The following RUNDC3B variants were observed in gnomAD, a reference collection of about 807,000 sequenced individuals.
RUNDC3B encodes the protein RUN domain-containing protein 3B.
RUNDC3B carries 33 observed loss-of-function variants against 58.4 expected under a neutral mutation model. That is an observed-to-expected ratio of 0.56 (90% CI 0.43 to 0.75). The LOEUF (loss-of-function observed/expected upper bound fraction) is 0.75. Among genes scored for constraint, RUNDC3B ranks in the 30% least tolerant of loss-of-function variants. RUNDC3B has a pLI of 0.00. For synonymous variants in RUNDC3B, 193 were observed against 195.2 expected (o/e 0.99, Z 0.10); for missense variants, 501 against 535.7 (o/e 0.94, Z 0.64).
intron 6 of RUNDC3B, among the ~76,000 whole-genome samples, chr7:87,760,065 AG>A (rs200831976): frequency 2.0e-5 from 3 of 148,388 alleles, no homozygotes; most frequent in Admixed American, 2.0e-4. Context: ...TCTGTGATAC[AG>A]GGGTTTTTTT....
chr7:87,671,623 C>T (rs1238535034), intron 2 of RUNDC3B, among the ~76,000 whole-genome samples: 1 of 152,002 alleles, frequency 6.6e-6, no homozygotes, highest in Non-Finnish European at 1.5e-5. Context: ...GAGGTACAGG[C>T]CTGTTGCTGG....
intron 9 of RUNDC3B, among the ~76,000 whole-genome samples, chr7:87,809,432 C>G (rs963036510): frequency 1.3e-5 from 2 of 151,654 alleles, no homozygotes; most frequent in African/African-American, 4.9e-5. Flanking sequence ...CTGCTACTTA[C>G]GTAATGTGTA....
At chr7:87,753,294 G>T (rs1224590611) in intron 6 of RUNDC3B, among the ~76,000 whole-genome samples, 2 of 151,448 alleles carry the variant, frequency 1.3e-5, no homozygotes, top group African/African-American at 4.9e-5. Flanking sequence ...TTACTTCCAA[G>T]TATGTGGTCA....
At position 87,678,140 on chromosome 7, in the gene RUNDC3B, T is replaced by C. The variant is rs549180542; in HGVS notation, c.239-22281T>C. On this transcript the variant is annotated intron_variant, in intron 2 of 10. Transcript: ENST00000394654. ...CAGAAACTGTGAATATCTAAATAAA[T>C]ACAGCAGAGTTTTTCTCCTCTATTA... Among the ~76,000 whole-genome samples, 5 of 152,290 alleles carry C rather than the reference T, an allele frequency of 3.3e-5. No homozygotes were observed. In the East Asian group the frequency reaches 7.7e-4, roughly 24 times the overall value.
chr7:87,732,886 A>G (rs370021873), intron 4 of RUNDC3B, among the ~76,000 whole-genome samples: 1 of 152,146 alleles, frequency 6.6e-6, no homozygotes, highest in East Asian at 1.9e-4. Context: ...TGTGTGTGTA[A>G]TTTCTAACAG....
chr7:87,743,388 C>A (rs1832457515), intron 6 of RUNDC3B, among the ~76,000 whole-genome samples: 1 of 152,198 alleles, frequency 6.6e-6, no homozygotes, highest in Admixed American at 6.5e-5. Flanking sequence ...TAAGGAATCT[C>A]CATGCTGTTT....
intron 6 of RUNDC3B, among the ~76,000 whole-genome samples, chr7:87,758,157 A>G (rs993653358): frequency 6.6e-6 from 1 of 152,080 alleles, no homozygotes; most frequent in Non-Finnish European, 1.5e-5. Context: ...TGTCTGTACA[A>G]AAATCTTTCA....
chr7:87,685,899 G>A (rs1827410241), intron 2 of RUNDC3B, among the ~76,000 whole-genome samples: 1 of 152,212 alleles, frequency 6.6e-6, no homozygotes, highest in South Asian at 2.1e-4. Flanking sequence ...TAATATGTAA[G>A]ATTCTAACTC....
chr7:87,811,629 C>G (rs1836722279), intron 9 of RUNDC3B, among the ~76,000 whole-genome samples: 1 of 152,186 alleles, frequency 6.6e-6, no homozygotes, highest in Admixed American at 6.5e-5. Context: ...CAGGCATGAG[C>G]CACCGCGCAC....
At chr7:87,824,449 G>A (rs1033604289) in intron 10 of RUNDC3B, among the ~76,000 whole-genome samples, 2 of 152,142 alleles carry the variant, frequency 1.3e-5, no homozygotes, top group African/African-American at 2.4e-5. Context: ...ACATGGAACT[G>A]TGAGTCCATT....
At chr7:87,754,218 A>G (rs919008549) in intron 6 of RUNDC3B, among the ~76,000 whole-genome samples, 3 of 152,226 alleles carry the variant, frequency 2.0e-5, no homozygotes, top group Non-Finnish European at 2.9e-5. Context: ...AATGCAAAAG[A>G]ACCAAAATCA....
At chr7:87,720,410 A>G (rs1830805966) in intron 4 of RUNDC3B, among the ~76,000 whole-genome samples, 1 of 152,072 alleles carries the variant, frequency 6.6e-6, no homozygotes, top group South Asian at 2.1e-4. Context: ...TTCTGAGGAA[A>G]TGCACATTCC....
intron 2 of RUNDC3B, among the ~76,000 whole-genome samples, chr7:87,681,069 G>C (rs1196653114): frequency 2.0e-5 from 3 of 150,232 alleles, no homozygotes; most frequent in Non-Finnish European, 4.4e-5. Context: ...TACATTCAAA[G>C]GATAAAAAGT....
At position 87,679,016 on chromosome 7, in the gene RUNDC3B, CAG is replaced by C. The variant is rs924393737; in HGVS notation, c.239-21403_239-21402del. On this transcript the variant is annotated intron_variant, in intron 2 of 10. Transcript: ENST00000394654. ...CTCTCATAATAGTAGATCAAGTAAA[CAG>C]AAAATTAGTAAGGGTACAAATGATC... Among the ~76,000 whole-genome samples, 81 of 149,186 alleles carry C rather than the reference CAG, an allele frequency of 5.4e-4. 2 individuals are homozygous for C. The highest frequency in any genetic ancestry group is 2.0e-3 in the African/African-American group (80 of 40,290).
intron 9 of RUNDC3B, among the ~76,000 whole-genome samples, chr7:87,811,519 GTAGAGA>G (rs1415178666): frequency 6.6e-6 from 1 of 152,010 alleles, no homozygotes; most frequent in Non-Finnish European, 1.5e-5. Flanking sequence ...GTATTTTTTA[GTAGAGA>G]TAGAGTTTCA....
chr7:87,680,107 A>G (rs1826780252), intron 2 of RUNDC3B, among the ~76,000 whole-genome samples: 1 of 150,072 alleles, frequency 6.7e-6, no homozygotes, highest in Non-Finnish European at 1.5e-5. Flanking sequence ...ACTTCCACTT[A>G]TGAGTGAGAA....
rs150144170 is a variant in RUNDC3B at position 87,807,106 on chromosome 7, T to C, written c.957-267T>C. Among the ~76,000 whole-genome samples the C allele has an allele frequency of 7.5e-4, 114 of 152,276 alleles. 2 individuals carry two copies. In the East Asian group the frequency reaches 0.016, roughly 21 times the overall value. On this transcript the variant is annotated intron_variant, in intron 8 of 10. Coordinates refer to ENST00000394654, the MANE Select transcript of RUNDC3B (RefSeq NM_001134405.2). ...GATATAAAATGCTACTTGGGTCTTTTAGTACTTTAGTAATAATGTGAAAAG... is the reference window on the plus strand; with the variant it reads ...GATATAAAATGCTACTTGGGTCTTTCAGTACTTTAGTAATAATGTGAAAAG...
intron 2 of RUNDC3B, among the ~76,000 whole-genome samples, chr7:87,664,294 G>T (rs1385334626): frequency 1.3e-5 from 2 of 152,050 alleles, no homozygotes; most frequent in African/African-American, 2.4e-5. Context: ...CCTGGAGATA[G>T]CAGCTGCACT....
At chr7:87,739,964 A>T in intron 5 of RUNDC3B, 84 bp downstream of exon 5, 1 of 580,198 alleles carries the variant, frequency 1.7e-6, no homozygotes, top group Non-Finnish European at 3.0e-6. Context: ...CAGTTGTCTA[A>T]GTAAAGCACA....
Sources: gnomAD v4.1 joint callset for allele counts (sites outside exome capture counted in the v4.1 genomes callset) on GRCh38, gnomAD v4.1.1 for gene constraint, MANE v1.5 for transcripts, NCBI Gene and HGNC (gene_info 2026-07-23, HGNC 2026-07-21) for gene names.